Variants in HOTAIR observed in about 807,000 individuals in gnomAD.
HOTAIR encodes HOX transcript antisense RNA.
Position 53,973,163 on chromosome 12 carries a change from C to A in HOTAIR, n.59+1735G>T. 1 of 1,084,348 alleles carries A rather than the reference C, an allele frequency of 9.2e-7. No individual in the cohort carries two copies. Among genetic ancestry groups the A allele is most frequent in the Non-Finnish European group, 1.3e-6 (1 of 758,148 alleles). The allele number at this position is 1,084,348 out of a possible 1,614,324, so 67.2% of individuals were successfully genotyped here. On this transcript the variant is annotated intron_variant and non_coding_transcript_variant, in intron 1 of 6. Transcript: ENST00000424518. The surrounding 1 kb of genome is among the most constrained non-coding windows in gnomAD (Gnocchi z 4.3). ...AGAGAGACTAAGACGGATAACGCGT[C>A]ATCTCGCCTTCCCAAATTTTCCCCC...
At chr12:53,966,235 TC>T (rs1939050886) in intron 4 of HOTAIR, 1 of 148,346 alleles carries the variant, frequency 6.7e-6, no homozygotes, top group Non-Finnish European at 1.5e-5. Context: ...CCCCCTCCCT[TC>T]CCCCGCCTCT....
In HOTAIR at chr12:53,973,923, A is replaced by C. The variant is rs1308575089; in HGVS notation, n.59+975T>G. The C allele has an allele frequency of 1.7e-5, 25 of 1,436,070 alleles. No individual in the cohort carries two copies. In the East Asian group the frequency reaches 6.5e-4, roughly 37 times the overall value. The allele number at this position is 1,436,070 out of a possible 1,614,324, so 89.0% of individuals were successfully genotyped here. ...GGAGCCGGCCAAAGGAGCCGCCCCC[A>C]GTAGGTAGCAGCGGCCGGGGAACGG... On this transcript the variant is annotated intron_variant and non_coding_transcript_variant, in intron 1 of 6. Transcript: ENST00000424518. This position sits in a 1 kb window ranked among gnomAD's most constrained non-coding sequence, Gnocchi z 4.3.
At chr12:53,970,934 C>T (rs1415681321) in intron 1 of HOTAIR, among the ~76,000 whole-genome samples, 3 of 152,120 alleles carry the variant, frequency 2.0e-5, no homozygotes, top group Non-Finnish European at 4.4e-5. Context: ...GTGGAGAAAG[C>T]GGGATCTGAG....
chr12:53,973,180 T>A lies in HOTAIR; in HGVS notation n.59+1718A>T. The A allele has an allele frequency of 2.2e-6, 3 of 1,374,330 alleles. No individual in the cohort carries two copies. Among genetic ancestry groups the A allele is most frequent in the Non-Finnish European group, 2.0e-6 (2 of 1,017,554 alleles). The allele number at this position is 1,374,330 out of a possible 1,614,324, so 85.1% of individuals were successfully genotyped here. On this transcript the variant is annotated intron_variant and non_coding_transcript_variant, in intron 1 of 6. Coordinates refer to ENST00000424518, the Ensembl canonical transcript of HOTAIR. The surrounding 1 kb of genome is among the most constrained non-coding windows in gnomAD (Gnocchi z 4.3). ...TAACGCGTCATCTCGCCTTCCCAAATTTTCCCCCCTCGCTAGACCGGGTCC... is the reference window on the plus strand; with the variant it reads ...TAACGCGTCATCTCGCCTTCCCAAAATTTCCCCCCTCGCTAGACCGGGTCC...
intron 4 of HOTAIR, chr12:53,966,256 T>C (rs1395524576): frequency 1.3e-5 from 2 of 150,244 alleles, no homozygotes; most frequent in African/African-American, 4.9e-5. Flanking sequence ...TCTTTTTCTC[T>C]ATCTCCCAGT....
At chr12:53,974,856 G>A (rs1433253170) in intron 1 of HOTAIR, 4 of 266,300 alleles carry the variant, frequency 1.5e-5, no homozygotes, top group African/African-American at 9.0e-5. Flanking sequence ...GCCCGAGGGC[G>A]GAGGGGGAGC....
exon 7 of HOTAIR, chr12:53,963,442 AG>A (rs1938990781): frequency 6.6e-6 from 1 of 152,284 alleles, no homozygotes; most frequent in African/African-American, 2.4e-5. Context: ...CTAAAAATCC[AG>A]AACCCTCTGA....
chr12:53,970,895 G>A (rs531296562), intron 1 of HOTAIR, among the ~76,000 whole-genome samples: 3 of 152,184 alleles, frequency 2.0e-5, no homozygotes, highest in African/African-American at 7.2e-5. Flanking sequence ...AGGGCCAGGA[G>A]GGGGAAGGAA....
intron 5 of HOTAIR, among the ~76,000 whole-genome samples, chr12:53,964,861 G>A (rs529017271): frequency 1.3e-5 from 2 of 152,206 alleles, no homozygotes; most frequent in Non-Finnish European, 2.9e-5. Context: ...AAGAGATCGA[G>A]TTTGAATGCC....
In HOTAIR at chr12:53,973,429, A is replaced by G. The variant is rs1427829556; in HGVS notation, n.59+1469T>C. The G allele has an allele frequency of 1.9e-6, 3 of 1,613,054 alleles. No individual in the cohort carries two copies. In the South Asian group the frequency reaches 3.3e-5, roughly 18 times the overall value. On this transcript the variant is annotated intron_variant and non_coding_transcript_variant, in intron 1 of 6. Coordinates refer to ENST00000424518, the Ensembl canonical transcript of HOTAIR. This position sits in a 1 kb window ranked among gnomAD's most constrained non-coding sequence, Gnocchi z 4.3. ...CCCTCTCGTCAGATCTCCTATCCCTACTCGGCCCAAGTGCCCCCGGTCCGG... is the reference window on the plus strand; with the variant it reads ...CCCTCTCGTCAGATCTCCTATCCCTGCTCGGCCCAAGTGCCCCCGGTCCGG...
exon 7 of HOTAIR, chr12:53,964,026 T>G (rs929197676): frequency 1.3e-5 from 2 of 152,368 alleles, no homozygotes; most frequent in African/African-American, 4.8e-5. Context: ...CGTGGTTCGC[T>G]TTCACCTTCG....
rs1023717252 is a variant in HOTAIR, at chr12:53,973,028, C to A, written n.59+1870G>T. On this transcript the variant is annotated intron_variant and non_coding_transcript_variant, in intron 1 of 6. Transcript: ENST00000424518. The surrounding 1 kb of genome is among the most constrained non-coding windows in gnomAD (Gnocchi z 4.3). ...TAATGTTTCTGCGGTGTTTGCAAAC[C>A]AATCGCCTGAACGTCCCCGATCTTA... 1.3e-5 allele frequency: 6 copies of A among 471,930 alleles called. 1 individual carries two copies. The highest frequency in any genetic ancestry group is 1.2e-4 in the African/African-American group (6 of 50,042). 29.2% of individuals were successfully genotyped at this position (471,930 alleles called of 1,614,324 possible).
chr12:53,972,457 A>T (rs979362233), intron 1 of HOTAIR, among the ~76,000 whole-genome samples: 10 of 152,262 alleles, frequency 6.6e-5, no homozygotes, highest in African/African-American at 1.7e-4. Flanking sequence ...GTTTATGACT[A>T]ATCTGACTCC....
exon 7 of HOTAIR, chr12:53,964,106 T>C (rs1939006731): frequency 6.6e-6 from 1 of 152,066 alleles, no homozygotes; most frequent in African/African-American, 2.4e-5. Context: ...AGGTCGGTAC[T>C]GGCTTAGGCC....
exon 2 of HOTAIR, chr12:53,968,704 C>T (rs567709233): frequency 1.3e-5 from 2 of 152,560 alleles, no homozygotes; most frequent in East Asian, 1.9e-4. Context: ...GCCTAGGCTT[C>T]CAGGTTCCGG....
rs541827325 is a variant in HOTAIR, at chr12:53,973,109, T to C, written n.59+1789A>G. 4 of 670,178 alleles carry C rather than the reference T, an allele frequency of 6.0e-6. No individual in the cohort carries two copies. The highest frequency in any genetic ancestry group is 5.6e-5 in the East Asian group (2 of 35,774). The allele number at this position is 670,178 out of a possible 1,614,324, so 41.5% of individuals were successfully genotyped here. Reference sequence around the variant, plus strand: ...AGTGCTCCGAACTGATATATGACAATATCTACTTTGGATCACGTGCTCAGA... The same window carrying C: ...AGTGCTCCGAACTGATATATGACAACATCTACTTTGGATCACGTGCTCAGA... On this transcript the variant is annotated intron_variant and non_coding_transcript_variant, in intron 1 of 6. Coordinates refer to ENST00000424518, the Ensembl canonical transcript of HOTAIR. The surrounding 1 kb of genome is among the most constrained non-coding windows in gnomAD (Gnocchi z 4.3).
intron 2 of HOTAIR, chr12:53,967,871 CCA>C (rs1334701525): frequency 6.6e-6 from 1 of 152,128 alleles, no homozygotes; most frequent in Non-Finnish European, 1.5e-5. Flanking sequence ...TGGGGCAGGG[CCA>C]GACAACCTGG....
intron 1 of HOTAIR, among the ~76,000 whole-genome samples, chr12:53,972,935 C>T (rs1057007880): frequency 1.4e-5 from 2 of 147,420 alleles, no homozygotes; most frequent in Non-Finnish European, 3.0e-5. Flanking sequence ...CTCCTTTGCT[C>T]GTGCTGTGGT....
At chr12:53,972,019 G>A (rs1197130751) in intron 1 of HOTAIR, among the ~76,000 whole-genome samples, 2 of 152,214 alleles carry the variant, frequency 1.3e-5, no homozygotes, top group Non-Finnish European at 2.9e-5. Context: ...TGATGCCACA[G>A]CATCCACCGC....
Sources: gnomAD v4.1 joint callset for allele counts (sites outside exome capture counted in the v4.1 genomes callset) on GRCh38, gnomAD v4.1.1 for gene constraint, Gnocchi (gnomAD v3.1) non-coding constraint, MANE v1.5 for transcripts, NCBI Gene and HGNC (gene_info 2026-07-23, HGNC 2026-07-21) for gene names.